Variants in CEP63 observed in about 807,000 individuals in gnomAD.
The protein encoded by CEP63 is centrosomal protein of 63 kDa.
In CEP63, 84 loss-of-function variants were observed where a neutral mutation model predicts 89.1. The observed-to-expected ratio is 0.94, with a 90% CI of 0.79 to 1.13. CEP63 has a LOEUF of 1.13. Among genes scored for constraint, CEP63 ranks in the 50% most tolerant of loss-of-function variants. The pLI is 0.00. For synonymous variants in CEP63, 267 were observed against 272.5 expected (o/e 0.98, Z 0.20); for missense variants, 838 against 813.3 (o/e 1.03, Z -0.37).
the CEP63 span, among the ~76,000 whole-genome samples, chr3:134,701,554 C>A: frequency 3.3e-5 from 5 of 150,972 alleles, no homozygotes; most frequent in Non-Finnish European, 5.9e-5. Context: ...ATACTATGGA[C>A]ATCAAGGGTA....
At chr3:134,611,922 G>A in the CEP63 span, among the ~76,000 whole-genome samples, 1 of 152,210 alleles carries the variant, frequency 6.6e-6, no homozygotes, top group East Asian at 1.9e-4. Context: ...CAAAATATTG[G>A]ATTAAATATT....
At chr3:134,689,458 T>G in the CEP63 span, among the ~76,000 whole-genome samples, 2 of 151,342 alleles carry the variant, frequency 1.3e-5, no homozygotes, top group African/African-American at 4.9e-5. Flanking sequence ...ATTATTATTA[T>G]TATTATTATT....
At chr3:134,496,634 A>G (rs1310483515) in intron 2 of CEP63, among the ~76,000 whole-genome samples, 1 of 152,190 alleles carries the variant, frequency 6.6e-6, no homozygotes, top group Non-Finnish European at 1.5e-5. Context: ...TTGTGGCCAC[A>G]GAATCTTCTG....
chr3:134,566,236 A>G (rs1349606141), downstream of CEP63, among the ~76,000 whole-genome samples: 2 of 152,032 alleles, frequency 1.3e-5, no homozygotes, highest in East Asian at 3.8e-4. Context: ...GAACTTTTGC[A>G]CTCCTCTTAC....
At chr3:134,486,665 C>G (rs1935539961) in intron 1 of CEP63, 1 of 451,586 alleles carries the variant, frequency 2.2e-6, no homozygotes, top group South Asian at 9.2e-5. Context: ...GTCTAGCTAG[C>G]GCTGTTGGGA....
At chr3:134,588,122 G>C (rs564357444), downstream of CEP63, among the ~76,000 whole-genome samples, 1 of 151,998 alleles carries the variant, frequency 6.6e-6, no homozygotes, top group Non-Finnish European at 1.5e-5. Context: ...GCAAAACCCC[G>C]TCTCTACTAA....
chr3:134,537,827 AC>A (rs935965224), intron 6 of CEP63, among the ~76,000 whole-genome samples: 1 of 152,212 alleles, frequency 6.6e-6, no homozygotes, highest in African/African-American at 2.4e-5. Context: ...GCGGACAGAT[AC>A]GGAGAGAGTC....
At chr3:134,775,224 A>T in the CEP63 span, among the ~76,000 whole-genome samples, 1 of 152,134 alleles carries the variant, frequency 6.6e-6, no homozygotes, top group Non-Finnish European at 1.5e-5. Context: ...CACGTGATTT[A>T]GTGGAATAGT....
chr3:134,557,545 C>G (rs772097544), intron 12 of CEP63, among the ~76,000 whole-genome samples: 1 of 151,664 alleles, frequency 6.6e-6, no homozygotes, highest in Non-Finnish European at 1.5e-5. Flanking sequence ...CAGGAAACAC[C>G]TAGAATTGAA....
chr3:134,492,115 C>T (rs935539874), intron 1 of CEP63, among the ~76,000 whole-genome samples: 2 of 144,486 alleles, frequency 1.4e-5, no homozygotes, highest in East Asian at 2.0e-4. Flanking sequence ...GCTCTGTCGC[C>T]CAGGCTGGAG....
At position 134,563,432 on chromosome 3, in the gene CEP63, T is replaced by G. The variant is rs1301509561; in HGVS notation, c.*1897T>G. 1 of 152,154 alleles carries G rather than the reference T, an allele frequency of 6.6e-6. No individual in the cohort carries two copies. Among genetic ancestry groups the G allele is most frequent in the African/African-American group, 2.4e-5 (1 of 41,430 alleles). 9.4% of individuals were successfully genotyped at this position (152,154 alleles called of 1,614,324 possible). ...AGACTCTTCCAAGGCTTCTCTTTTT[T>G]TTTTTATTGAGACAGAGTCTCACTC... On this transcript the variant is annotated 3_prime_UTR_variant, in exon 15 of 15. Coordinates refer to ENST00000675561, the MANE Select transcript of CEP63 (RefSeq NM_001353108.3).
chr3:134,681,467 A>G, the CEP63 span, among the ~76,000 whole-genome samples: 1 of 152,144 alleles, frequency 6.6e-6, no homozygotes, highest in Admixed American at 6.5e-5. Flanking sequence ...CCCACATGCA[A>G]TGTGTGGTCA....
intron 10 of CEP63, among the ~76,000 whole-genome samples, chr3:134,587,089 C>T (rs555055323): frequency 1.3e-5 from 2 of 152,240 alleles, no homozygotes; most frequent in East Asian, 1.9e-4. Context: ...GTTAGCCATT[C>T]GTCTAACCTT....
At chr3:134,549,000 A>T in intron 9 of CEP63, 62 bp from the exon 10 acceptor site, 1 of 931,246 alleles carries the variant, frequency 1.1e-6, no homozygotes, top group Non-Finnish European at 1.8e-6. Flanking sequence ...TAAATTAGAT[A>T]GTCCAATTTA....
chr3:134,736,470 G>A, the CEP63 span, among the ~76,000 whole-genome samples: 1 of 152,028 alleles, frequency 6.6e-6, no homozygotes, highest in Non-Finnish European at 1.5e-5. Flanking sequence ...ATGGTTGTTA[G>A]ACACAAATGT....
chr3:134,616,029 A>G, the CEP63 span, among the ~76,000 whole-genome samples: 4 of 152,366 alleles, frequency 2.6e-5, no homozygotes, highest in East Asian at 7.7e-4. Context: ...TGCTAAAGCC[A>G]TGCTAACGGG....
intron 11 of CEP63, among the ~76,000 whole-genome samples, chr3:134,550,620 C>CT (rs1441892613): frequency 3.9e-5 from 6 of 152,084 alleles, no homozygotes; most frequent in African/African-American, 1.4e-4. Context: ...ACAGAGGTCT[C>CT]TAAGAGAGAG....
the CEP63 span, among the ~76,000 whole-genome samples, chr3:134,709,359 G>C: frequency 6.6e-6 from 1 of 152,078 alleles, no homozygotes. Context: ...TGTGCTTGGA[G>C]ATAGCCAAGT....
At chr3:134,654,692 T>C in the CEP63 span, among the ~76,000 whole-genome samples, 6 of 152,242 alleles carry the variant, frequency 3.9e-5, no homozygotes, top group East Asian at 9.6e-4. Context: ...GATTTCTGCC[T>C]GGAAAACCCC....
Sources: gnomAD v4.1 joint callset for allele counts (sites outside exome capture counted in the v4.1 genomes callset) on GRCh38, gnomAD v4.1.1 for gene constraint, MANE v1.5 for transcripts, NCBI Gene and HGNC (gene_info 2026-07-23, HGNC 2026-07-21) for gene names.